Variants in ATG10 observed in about 807,000 individuals in gnomAD.
The protein encoded by ATG10 is ubiquitin-like-conjugating enzyme ATG10.
In ATG10, 30 loss-of-function variants were observed where a neutral mutation model predicts 32.1. That is an observed-to-expected ratio of 0.94 (90% confidence interval 0.70 to 1.27). The LOEUF (loss-of-function observed/expected upper bound fraction) is 1.27. ATG10 is among the 50% of genes most tolerant of loss of function. The pLI is 0.00. For missense variants in ATG10, 233 were observed against 262.3 expected (o/e 0.89, Z 0.77); for synonymous variants, 87 against 91.5 (o/e 0.95, Z 0.28).
At chr5:82,253,987 T>G (rs1247275425) in intron 7 of ATG10, 81 bp from the exon 8 acceptor site, 1 of 152,578 alleles carries the variant, frequency 6.6e-6, no homozygotes, top group African/African-American at 2.4e-5. Flanking sequence ...AGTTTTATTT[T>G]AGTACTGATA....
intron 3 of ATG10, among the ~76,000 whole-genome samples, chr5:82,102,150 A>G (rs1223882596): frequency 6.6e-6 from 1 of 152,220 alleles, no homozygotes; most frequent in Non-Finnish European, 1.5e-5. Context: ...TAGCTGTGAC[A>G]TAGATACATT....
intron 2 of ATG10, 71 bp from the exon 3 acceptor site, chr5:82,058,424 G>A (rs1036918904): frequency 9.0e-7 from 1 of 1,105,030 alleles, no homozygotes. Flanking sequence ...CTTATGGGAA[G>A]TGGTTCTTAA....
intron 3 of ATG10, among the ~76,000 whole-genome samples, chr5:82,124,284 T>G (rs1007036967): frequency 1.3e-4 from 20 of 151,346 alleles, no homozygotes; most frequent in African/African-American, 4.9e-4. Context: ...ATTACAGACG[T>G]GAGCCACTGC....
intron 5 of ATG10, among the ~76,000 whole-genome samples, chr5:82,201,862 A>G (rs1234845726): frequency 6.6e-6 from 1 of 152,146 alleles, no homozygotes; most frequent in Non-Finnish European, 1.5e-5. Flanking sequence ...ATTTCCTTAA[A>G]TTTTTATGTA....
intron 4 of ATG10, among the ~76,000 whole-genome samples, chr5:82,177,771 T>C (rs539115299): frequency 2.0e-5 from 3 of 152,260 alleles, no homozygotes; most frequent in South Asian, 4.1e-4. Context: ...AAAAAGAGCA[T>C]TATTGTTCAA....
At chr5:82,171,505 G>A (rs1743807810) in intron 4 of ATG10, among the ~76,000 whole-genome samples, 1 of 152,280 alleles carries the variant, frequency 6.6e-6, no homozygotes, top group South Asian at 2.1e-4. Flanking sequence ...TTATTGAAGG[G>A]TAGATCGTAG....
chr5:82,079,663 G>T (rs998421874), intron 3 of ATG10, among the ~76,000 whole-genome samples: 1 of 151,912 alleles, frequency 6.6e-6, no homozygotes, highest in African/African-American at 2.4e-5. Flanking sequence ...ATGGTTTCCA[G>T]TTTCATCCAT....
At chr5:82,235,107 C>G (rs1051230355) in intron 5 of ATG10, among the ~76,000 whole-genome samples, 1 of 152,078 alleles carries the variant, frequency 6.6e-6, no homozygotes, top group African/African-American at 2.4e-5. Context: ...TTTGCAGTGG[C>G]GGGGAGGGTG....
chr5:82,139,838 A>T (rs1282689962), intron 3 of ATG10, among the ~76,000 whole-genome samples: 1 of 108,760 alleles, frequency 9.2e-6, no homozygotes, highest in Non-Finnish European at 1.8e-5. Context: ...CGGGAGGGAG[A>T]TGGGGGGGTC....
In ATG10 at chr5:82,058,186, C is replaced by T. The variant is rs558503511; in HGVS notation, c.109-309C>T. Among the ~76,000 whole-genome samples the T allele has an allele frequency of 2.6e-5, 4 of 152,182 alleles. No homozygotes were observed. In the East Asian group the frequency reaches 7.7e-4, roughly 29 times the overall value. On this transcript the variant is annotated intron_variant, in intron 2 of 7. Coordinates refer to ENST00000282185, the MANE Select transcript of ATG10 (RefSeq NM_031482.5). ...AAATCAATATTAATTATGTGACAAGCTATTTCTATAAGCTTAAGTTTTGTT... is the reference window on the plus strand; with the variant it reads ...AAATCAATATTAATTATGTGACAAGTTATTTCTATAAGCTTAAGTTTTGTT...
At chr5:82,124,097 G>A (rs1471189626) in intron 3 of ATG10, among the ~76,000 whole-genome samples, 11 of 145,462 alleles carry the variant, frequency 7.6e-5, no homozygotes, top group Non-Finnish European at 1.7e-4. Context: ...TTTTGAGATG[G>A]AGTCTCGCTC....
intron 3 of ATG10, among the ~76,000 whole-genome samples, chr5:82,085,863 T>C (rs1445222103): frequency 2.6e-5 from 4 of 152,162 alleles, no homozygotes; most frequent in African/African-American, 9.7e-5. Flanking sequence ...TATCCCCTAT[T>C]AGACCCTCAA....
rs1481791423 is a variant in ATG10 at position 82,208,880 on chromosome 5, T to C, written c.453+30293T>C. Reference sequence around the variant, plus strand: ...TCGTTGTAATATAGTATCCCTTTAATGTATTGCTGGATTTCATTTGCTAAC... The same window carrying C: ...TCGTTGTAATATAGTATCCCTTTAACGTATTGCTGGATTTCATTTGCTAAC... On this transcript the variant is annotated intron_variant, in intron 5 of 7. Transcript: ENST00000282185. Among the ~76,000 whole-genome samples, 3 of 152,222 alleles carry C rather than the reference T, an allele frequency of 2.0e-5. No homozygotes were observed. The East Asian group carries it at 5.8e-4, about 29-fold the overall frequency.
chr5:82,229,801 T>G (rs1746277318), intron 5 of ATG10, among the ~76,000 whole-genome samples: 1 of 152,164 alleles, frequency 6.6e-6, no homozygotes, highest in Non-Finnish European at 1.5e-5. Context: ...CATAAGGGAC[T>G]TGAACATCCA....
chr5:82,180,404 C>A (rs1744186598), intron 5 of ATG10, among the ~76,000 whole-genome samples: 1 of 152,144 alleles, frequency 6.6e-6, no homozygotes, highest in Admixed American at 6.5e-5. Context: ...AATTGCCCCT[C>A]TGAAATCCAA....
At chr5:82,056,435 T>G (rs899934484) in intron 2 of ATG10, among the ~76,000 whole-genome samples, 112 of 151,138 alleles carry the variant, frequency 7.4e-4, no homozygotes, top group African/African-American at 2.6e-3. Context: ...CCAGGTTTTT[T>G]TTTTTTTTTT....
At chr5:82,130,431 A>G (rs893749900) in intron 3 of ATG10, among the ~76,000 whole-genome samples, 13 of 152,070 alleles carry the variant, frequency 8.5e-5, no homozygotes, top group Middle Eastern at 3.4e-3. Flanking sequence ...GTCTGCCCAA[A>G]TGACTGCCCA....
At chr5:82,068,426 A>G (rs182416463) in intron 3 of ATG10, among the ~76,000 whole-genome samples, 43 of 152,230 alleles carry the variant, frequency 2.8e-4, no homozygotes, top group African/African-American at 9.4e-4. Flanking sequence ...GAAGGATAGC[A>G]TTAGGAGAAA....
chr5:82,071,470 T>C (rs1764130455), intron 3 of ATG10, among the ~76,000 whole-genome samples: 1 of 152,114 alleles, frequency 6.6e-6, no homozygotes, highest in Non-Finnish European at 1.5e-5. Context: ...GGAGCACACC[T>C]TGGGTGTTTC....
Sources: allele counts gnomAD v4.1 joint callset (sites outside exome capture counted in the v4.1 genomes callset), GRCh38; gene constraint gnomAD v4.1.1; transcripts MANE v1.5; gene names NCBI Gene and HGNC (gene_info 2026-07-23, HGNC 2026-07-21).